Variants in DBH observed in about 807,000 individuals in gnomAD.
DBH encodes the protein dopamine beta-hydroxylase (dopamine beta-monooxygenase).
Under a neutral mutation model 64.0 loss-of-function variants are expected in DBH, and 49 were observed. The ratio of observed to expected loss-of-function variants is 0.77; its 90% confidence interval spans 0.61 to 0.97. DBH has a LOEUF of 0.97. Among genes scored for constraint, DBH ranks in the 50% least tolerant of loss-of-function variants. DBH has a pLI of 0.00. For synonymous variants in DBH, 343 were observed against 347.1 expected (o/e 0.99, Z 0.13); for missense variants, 828 against 826.6 (o/e 1.00, Z -0.02).
intron 6 of DBH, 36 bp from the exon 7 acceptor site, chr9:133,651,598 G>A (rs773482240): frequency 1.2e-6 from 2 of 1,611,992 alleles, no homozygotes; most frequent in South Asian, 1.1e-5. Context: ...CCCCTCGGGG[G>A]TCAGGCCCTG....
rs1029292731 is a variant in DBH at position 133,657,177 on chromosome 9, G to A, written c.1670G>A (p.Ser557Asn). Residue 557 changes from serine to asparagine, a missense_variant, in exon 11 of 12, where the codon AGC (serine) becomes AAC (asparagine). Physicochemically the swap from Ser to Asn is conservative, Grantham distance 46. Coordinates refer to ENST00000393056, the MANE Select transcript of DBH (RefSeq NM_000787.4). Reference sequence around the variant, plus strand: ...CGCGACGTACTGAAGGCCCTGTACAGCTTCGCGCCCATCTCCATGCACTGC... The same window carrying A: ...CGCGACGTACTGAAGGCCCTGTACAACTTCGCGCCCATCTCCATGCACTGC... ...FNRDVLKALY[S>N]FAPISMHCNK... 5.0e-6 allele frequency: 8 copies of A among 1,614,016 alleles called. No individual in the cohort carries two copies. Among genetic ancestry groups the A allele is most frequent in the Non-Finnish European group, 6.8e-6 (8 of 1,180,044 alleles).
chr9:133,637,397 T>C (rs1832065994), intron 1 of DBH, among the ~76,000 whole-genome samples: 1 of 152,226 alleles, frequency 6.6e-6, no homozygotes, highest in African/African-American at 2.4e-5. Flanking sequence ...TTCCACAAGC[T>C]GCAGGGGGTC....
intron 5 of DBH, among the ~76,000 whole-genome samples, chr9:133,647,264 C>T (rs1471343680): frequency 6.6e-6 from 1 of 152,196 alleles, no homozygotes; most frequent in African/African-American, 2.4e-5. Context: ...TTCTTGTTAA[C>T]CTCAACACAG....
intron 6 of DBH, among the ~76,000 whole-genome samples, chr9:133,651,290 C>A (rs1303364362): frequency 6.6e-6 from 1 of 152,230 alleles, no homozygotes; most frequent in Non-Finnish European, 1.5e-5. Flanking sequence ...CTTTGCCACA[C>A]CCTGTCCACG....
chr9:133,641,497 G>A lies in DBH; in HGVS notation c.487-710G>A, dbSNP rs566360677. Among the ~76,000 whole-genome samples the A allele has an allele frequency of 2.0e-4, 30 of 152,350 alleles. No individual in the cohort carries two copies. The South Asian group carries it at 6.2e-3, about 32-fold the overall frequency. On this transcript the variant is annotated intron_variant, in intron 2 of 11. Coordinates refer to ENST00000393056, the MANE Select transcript of DBH (RefSeq NM_000787.4). ...GTCCCCTGCACAGGGCGGCCCATCG[G>A]CTTTCCGCAAACTCAAAGAGCAAAT...
chr9:133,636,714 A>T lies in DBH; in HGVS notation c.339+4A>T. The T allele has an allele frequency of 6.2e-7, 1 of 1,600,190 alleles. No homozygotes were observed. ...TGGGGACACTGCCTATTTTGCGGTG[A>T]GTCTCTCCTCCCTGCCAGCTCTCCA... On this transcript the variant is annotated splice_donor_region_variant and intron_variant, in intron 1 of 11. Transcript: ENST00000393056.
intron 9 of DBH, chr9:133,655,223 G>A (rs1307095673): frequency 1.3e-5 from 2 of 152,296 alleles, no homozygotes; most frequent in Non-Finnish European, 2.9e-5. Flanking sequence ...AGCTCCCCAG[G>A]TGGACCTGAG....
chr9:133,654,124 T>TTTTATTTTATTTTATTTTATTTTATTTTA (rs57965080), intron 9 of DBH, among the ~76,000 whole-genome samples: 10 of 139,292 alleles, frequency 7.2e-5, no homozygotes, highest in African/African-American at 3.0e-4. Context: ...TTATATTTTA[T>TTTTATTTTATTTTATTTTATTTTATTTTA]TTTTTTTTGA....
intron 9 of DBH, among the ~76,000 whole-genome samples, chr9:133,653,646 T>TG (rs1176058339): frequency 2.6e-5 from 4 of 151,586 alleles, no homozygotes; most frequent in Admixed American, 6.6e-5. Context: ...GAGACATGGG[T>TG]GGGGGTCAGG....
intron 1 of DBH, 129 bp downstream of exon 1, chr9:133,636,839 T>C: frequency 2.2e-6 from 2 of 899,036 alleles, no homozygotes; most frequent in East Asian, 5.2e-5. Flanking sequence ...GAGTTGACTC[T>C]GCTCTGAGCC....
At position 133,647,828 on chromosome 9, in the gene DBH, C is replaced by T. The variant is rs765478628; in HGVS notation, c.1025-18C>T. 6.2e-7 allele frequency: 1 copy of T among 1,614,172 alleles called. No individual in the cohort carries two copies. Among genetic ancestry groups the T allele is most frequent in the South Asian group, 1.1e-5 (1 of 91,072 alleles). ...CCTCCACTTACCGCTCACCTCCATC[C>T]ATCCCACCTTCTCCCAGGACGAAAC... On this transcript the variant is annotated intron_variant, in intron 5 of 11. Coordinates refer to ENST00000393056, the MANE Select transcript of DBH (RefSeq NM_000787.4).
In DBH at chr9:133,658,862, CGGTGTGCAGCG is replaced by C. The variant is rs1564216864; in HGVS notation, c.*420_*430del. The C allele has an allele frequency of 6.4e-6, 1 of 156,376 alleles. No homozygotes were observed. The highest frequency in any genetic ancestry group is 1.4e-5 in the Non-Finnish European group (1 of 71,072). The allele number at this position is 156,376 out of a possible 1,614,324, so 9.7% of individuals were successfully genotyped here. A position where few individuals can be genotyped will look rare whatever the true frequency, so the allele number is the denominator to read the frequency against. On this transcript the variant is annotated 3_prime_UTR_variant, in exon 12 of 12. Transcript: ENST00000393056. ...GCCCCCGCCCCCGCCCCGCTGCTCC[CGGTGTGCAGCG>C]GGTGCGGGTGCCGCTTAAACATTTC...
rs147607093 is a variant in DBH, at chr9:133,646,036, T to C, written c.1024+1716T>C. Among the ~76,000 whole-genome samples, 24 of 152,276 alleles carry C rather than the reference T, an allele frequency of 1.6e-4. No individual in the cohort carries two copies. The East Asian group carries it at 4.4e-3, about 28-fold the overall frequency. ...GGACAGCAGAAAAGCATGAAGAAGA[T>C]GAAACCACCCCCCAGCTCCCGGCTC... On this transcript the variant is annotated intron_variant, in intron 5 of 11. Coordinates refer to ENST00000393056, the MANE Select transcript of DBH (RefSeq NM_000787.4).
chr9:133,657,420 G>GAGAGGAT, intron 11 of DBH, 191 bp downstream of exon 11: 1 of 466,086 alleles, frequency 2.1e-6, no homozygotes, highest in East Asian at 3.9e-5. Context: ...AGAGAGGAGA[G>GAGAGGAT]AGAGGAGAGA....
At chr9:133,642,054 G>T (rs1459197452) in intron 2 of DBH, among the ~76,000 whole-genome samples, 153 bp from the exon 3 acceptor site, 1 of 152,202 alleles carries the variant, frequency 6.6e-6, no homozygotes, top group Non-Finnish European at 1.5e-5. Flanking sequence ...CCCCAGCCAG[G>T]GCCATGCAAG....
rs534369014 is a variant in DBH at position 133,651,567 on chromosome 9, C to T, written c.1192-67C>T. 3.1e-6 allele frequency: 5 copies of T among 1,602,934 alleles called. No individual in the cohort carries two copies. In the East Asian group the frequency reaches 1.1e-4, roughly 36 times the overall value. ...CCAGGGTGGCTGCTCCCTACCGGGTCCTGGCCATGGACGGGAGGGTCCCCT... is the reference window on the plus strand; with the variant it reads ...CCAGGGTGGCTGCTCCCTACCGGGTTCTGGCCATGGACGGGAGGGTCCCCT... On this transcript the variant is annotated intron_variant, in intron 6 of 11. Coordinates refer to ENST00000393056, the MANE Select transcript of DBH (RefSeq NM_000787.4).
chr9:133,644,554 G>A (rs1832159704), intron 5 of DBH, among the ~76,000 whole-genome samples: 1 of 152,220 alleles, frequency 6.6e-6, no homozygotes, highest in African/African-American at 2.4e-5. Flanking sequence ...GCCCAGCAGT[G>A]GCCCCACACC....
chr9:133,653,548 G>A (rs1187975851), intron 9 of DBH, among the ~76,000 whole-genome samples: 2 of 152,194 alleles, frequency 1.3e-5, no homozygotes, highest in African/African-American at 2.4e-5. Context: ...GGGAGGAGGT[G>A]AAGGAAGGCT....
intron 10 of DBH, among the ~76,000 whole-genome samples, chr9:133,656,857 A>G (rs1832328240): frequency 6.6e-6 from 1 of 152,090 alleles, no homozygotes; most frequent in Admixed American, 6.5e-5. Context: ...TGCAGCAGCC[A>G]TTACCCACCC....
Sources: gnomAD v4.1 joint callset for allele counts (sites outside exome capture counted in the v4.1 genomes callset) on GRCh38, gnomAD v4.1.1 for gene constraint, MANE v1.5 for transcripts, NCBI Gene and HGNC (gene_info 2026-07-23, HGNC 2026-07-21) for gene names.